The following C12orf76 variants were observed in gnomAD, a reference collection of about 807,000 sequenced individuals.
C12orf76 encodes the protein chromosome 12 open reading frame 76, also known as uncharacterized protein C12orf76.
Under a neutral mutation model 6.8 loss-of-function variants are expected in C12orf76, and 6 were observed. The ratio of observed to expected loss-of-function variants is 0.88; its 90% CI spans 0.48 to 1.73. The LOEUF is 1.73. Ranked by LOEUF, C12orf76 falls within the 40% of genes most tolerant of loss-of-function variation. The pLI is 0.01. For synonymous variants in C12orf76, 56 were observed against 43.7 expected (o/e 1.28, Z -1.11); for missense variants, 99 against 98.2 (o/e 1.01, Z -0.03).
chr12:110,068,253 G>GAAGAAA (rs1555253373), upstream of C12orf76, among the ~76,000 whole-genome samples: 1 of 43,154 alleles, frequency 2.3e-5, no homozygotes, highest in African/African-American at 9.8e-5. Flanking sequence ...GAAGAAAGAA[G>GAAGAAA]AAGAAGAAGA....
At chr12:110,067,499 T>G in exon 1 of C12orf76, 1 of 985,400 alleles carries the variant, frequency 1.0e-6, no homozygotes, top group African/African-American at 1.7e-5. Context: ...CCCTCCTCAC[T>G]TCCTTTTCCC....
chr12:110,065,061 G>T (rs916556405), intron 2 of C12orf76, among the ~76,000 whole-genome samples: 5 of 152,064 alleles, frequency 3.3e-5, no homozygotes, highest in African/African-American at 1.2e-4. Flanking sequence ...AAGATAGATG[G>T]TAGTAGGCGG....
intron 1 of C12orf76, 106 bp from the exon 2 acceptor site, chr12:110,042,565 T>A: frequency 1.3e-6 from 1 of 752,582 alleles, no homozygotes; most frequent in Non-Finnish European, 2.4e-6. Context: ...AGGCACTATG[T>A]CAAGTGCTGT....
At chr12:110,058,850 C>A in intron 3 of C12orf76, 1 of 965,710 alleles carries the variant, frequency 1.0e-6, no homozygotes, top group Non-Finnish European at 1.5e-6. Flanking sequence ...TTTTGGTAAC[C>A]CTAATATGTC....
intron 1 of C12orf76, among the ~76,000 whole-genome samples, chr12:110,066,572 A>G (rs1467647209): frequency 6.6e-6 from 1 of 151,870 alleles, no homozygotes; most frequent in Non-Finnish European, 1.5e-5. Context: ...CTGTAATCCC[A>G]GCTAACTCGG....
chr12:110,068,308 A>G (rs908240968), upstream of C12orf76, among the ~76,000 whole-genome samples: 1 of 146,068 alleles, frequency 6.8e-6, no homozygotes, highest in Non-Finnish European at 1.5e-5. Context: ...GAAGAAGAAG[A>G]AGAAGAAGAA....
intron 1 of C12orf76, among the ~76,000 whole-genome samples, chr12:110,047,876 C>G (rs112852933): frequency 6.6e-6 from 1 of 152,144 alleles, no homozygotes; most frequent in Admixed American, 6.5e-5. Flanking sequence ...TGCCTTGTTG[C>G]CTAGCCTGAG....
upstream of C12orf76, among the ~76,000 whole-genome samples, chr12:110,069,179 G>T (rs990498510): frequency 2.0e-5 from 3 of 152,304 alleles, no homozygotes; most frequent in Admixed American, 6.5e-5. Flanking sequence ...GGTGCCTCAC[G>T]CCTGTAATCC....
chr12:110,067,455 A>G, intron 1 of C12orf76: 1 of 985,376 alleles, frequency 1.0e-6, no homozygotes, highest in Non-Finnish European at 1.2e-6. Context: ...TTTTGGGAAG[A>G]CCTTGTAACA....
At position 110,048,449 on chromosome 12, in the gene C12orf76, A is replaced by T. The variant is rs1269544526; in HGVS notation, c.47T>A (p.Leu16His). The T allele has an allele frequency of 2.7e-6, 4 of 1,505,168 alleles. No individual in the cohort carries two copies. The highest frequency in any genetic ancestry group is 2.1e-5 in the Admixed American group (1 of 47,434). 93.2% of individuals were successfully genotyped at this position (1,505,168 alleles called of 1,614,324 possible). Residue 16 changes from leucine to histidine, a missense_variant, in exon 1 of 2, where the codon CTC (leucine) becomes CAC (histidine). Transcript: ENST00000615315. ...CGGGGCCTCTGCCTCCCCCACCAGG[A>T]GGCTGCAGAGGCCAAGGTACAGCCA... Reference protein sequence around the residue: ...LPWLYLGLCSLLVGEAEAPSP... With the variant: ...LPWLYLGLCSHLVGEAEAPSP...
At chr12:110,047,712 C>A (rs1242528570) in intron 1 of C12orf76, among the ~76,000 whole-genome samples, 1 of 152,148 alleles carries the variant, frequency 6.6e-6, no homozygotes, top group Non-Finnish European at 1.5e-5. Flanking sequence ...GCAAACCGTA[C>A]GTTTCTCATT....
chr12:110,046,916 C>T (rs1593243701), intron 1 of C12orf76, among the ~76,000 whole-genome samples: 2 of 152,080 alleles, frequency 1.3e-5, no homozygotes, highest in East Asian at 3.8e-4. Flanking sequence ...CCCCCACTGC[C>T]CCTCGCCCCC....
At chr12:110,049,720 T>A (rs550913098), upstream of C12orf76, 1 of 152,330 alleles carries the variant, frequency 6.6e-6, no homozygotes, top group East Asian at 1.9e-4. Context: ...TCTGGATGTA[T>A]ACGTGCAAGT....
chr12:110,071,531 C>T (rs1337454534), upstream of C12orf76, among the ~76,000 whole-genome samples: 2 of 151,792 alleles, frequency 1.3e-5, no homozygotes, highest in African/African-American at 4.8e-5. Context: ...TTAATTGTCA[C>T]AACCCTATGA....
chr12:110,049,733 CAG>C (rs1892543864), upstream of C12orf76: 1 of 152,220 alleles, frequency 6.6e-6, no homozygotes, highest in East Asian at 1.9e-4. Flanking sequence ...GTGCAAGTCA[CAG>C]GGGATGCGAT....
chr12:110,058,871 G>A, intron 3 of C12orf76: 1 of 1,216,904 alleles, frequency 8.2e-7, no homozygotes, highest in Non-Finnish European at 1.1e-6. Flanking sequence ...CTTACCATGT[G>A]CCAACCACTC....
intron 1 of C12orf76, among the ~76,000 whole-genome samples, chr12:110,072,825 GGGA>G (rs1413322829): frequency 1.3e-5 from 2 of 151,912 alleles, no homozygotes; most frequent in African/African-American, 2.4e-5. Context: ...TTGGTGGCGG[GGGA>G]GGATAGCGTG....
At chr12:110,047,409 T>A (rs1047219089) in intron 1 of C12orf76, among the ~76,000 whole-genome samples, 6 of 152,106 alleles carry the variant, frequency 3.9e-5, no homozygotes, top group African/African-American at 1.4e-4. Flanking sequence ...AGCTGCAACA[T>A]CAGGTGCGGT....
intron 2 of C12orf76, among the ~76,000 whole-genome samples, chr12:110,064,658 C>A (rs1892828528): frequency 6.6e-6 from 1 of 152,174 alleles, no homozygotes; most frequent in South Asian, 2.1e-4. Context: ...TCAGTGCCCC[C>A]CAGATGCAGC....
Sources: gnomAD v4.1 joint callset for allele counts (sites outside exome capture counted in the v4.1 genomes callset) on GRCh38, gnomAD v4.1.1 for gene constraint, MANE v1.5 for transcripts, NCBI Gene and HGNC (gene_info 2026-07-23, HGNC 2026-07-21) for gene names.